Variants in RAPGEF6 observed in about 807,000 individuals in gnomAD.
The protein encoded by RAPGEF6 is PDZ domain containing guanine nucleotide exchange factor (GEF) 2.
RAPGEF6 carries 56 observed loss-of-function variants against 171.4 expected under a neutral mutation model. The ratio of observed to expected loss-of-function variants is 0.33; its 90% CI spans 0.26 to 0.41. The LOEUF is 0.41. RAPGEF6 is among the 10% of genes least tolerant of loss of function. The pLI, the probability that RAPGEF6 is intolerant of heterozygous loss-of-function variation, is 1.00. For missense variants in RAPGEF6, 1,674 were observed against 1,921.4 expected (o/e 0.87, Z 2.41); for synonymous variants, 692 against 650.1 (o/e 1.06, Z -0.98).
chr5:131,593,859 T>G (rs1763732287), intron 3 of RAPGEF6, among the ~76,000 whole-genome samples: 1 of 152,210 alleles, frequency 6.6e-6, no homozygotes, highest in South Asian at 2.1e-4. Context: ...ACAAAGAGAT[T>G]ATCTGAAACT....
At chr5:131,439,473 A>T in intron 24 of RAPGEF6, 108 bp downstream of exon 24, 1 of 1,443,918 alleles carries the variant, frequency 6.9e-7, no homozygotes. Flanking sequence ...ATTAGGAGTT[A>T]TGCTTTTCTT....
At chr5:131,433,031 A>T (rs926687819) in intron 25 of RAPGEF6, among the ~76,000 whole-genome samples, 9 of 152,074 alleles carry the variant, frequency 5.9e-5, no homozygotes, top group African/African-American at 2.2e-4. Context: ...CAGAGGACAG[A>T]GATCAAGGGC....
intron 1 of RAPGEF6, among the ~76,000 whole-genome samples, chr5:131,632,240 C>T (rs1201895916): frequency 6.6e-6 from 1 of 152,138 alleles, no homozygotes; most frequent in African/African-American, 2.4e-5. Context: ...CCTGTTCACC[C>T]TTCTCCAGTC....
At chr5:131,551,943 T>C (rs1445236834) in intron 5 of RAPGEF6, among the ~76,000 whole-genome samples, 1 of 151,762 alleles carries the variant, frequency 6.6e-6, no homozygotes, top group Non-Finnish European at 1.5e-5. Context: ...TTAAAAAAAA[T>C]AAAACCACAA....
intron 4 of RAPGEF6, among the ~76,000 whole-genome samples, chr5:131,576,324 C>G (rs554508424): frequency 7.1e-4 from 108 of 152,334 alleles, no homozygotes; most frequent in Middle Eastern, 3.4e-3. Flanking sequence ...CCCGCTTCCA[C>G]TACCTCTCAA....
chr5:131,435,078 T>C (rs1751933139), intron 24 of RAPGEF6, among the ~76,000 whole-genome samples: 1 of 152,212 alleles, frequency 6.6e-6, no homozygotes, highest in South Asian at 2.1e-4. Flanking sequence ...GTTCCAAGTC[T>C]TTCTCTGTTT....
At chr5:131,511,901 A>T (rs1184911637) in intron 7 of RAPGEF6, among the ~76,000 whole-genome samples, 3 of 152,190 alleles carry the variant, frequency 2.0e-5, no homozygotes, top group Non-Finnish European at 4.4e-5. Context: ...CTAAGTTAGA[A>T]AGAGCTTTTC....
chr5:131,524,377 G>A (rs1225957404), intron 6 of RAPGEF6, among the ~76,000 whole-genome samples: 3 of 152,196 alleles, frequency 2.0e-5, no homozygotes, highest in Non-Finnish European at 4.4e-5. Flanking sequence ...CCATGAAGCT[G>A]TAGTAGCAGA....
rs995174961 is a variant in RAPGEF6 at position 131,436,464 on chromosome 5, A to G, written c.3746-2806T>C. The G allele has an allele frequency of 1.2e-4, 149 of 1,238,324 alleles. 3 individuals carry two copies. In the South Asian group the frequency reaches 2.4e-3, roughly 20 times the overall value. 76.7% of individuals were successfully genotyped at this position (1,238,324 alleles called of 1,614,324 possible). A position where few individuals can be genotyped will look rare whatever the true frequency, so the allele number is the denominator to read the frequency against. ...TAATATTTCACTATTTAAAAATTCT[A>G]ACATCTTGATAATATCTGAAAAATT... On this transcript the variant is annotated intron_variant, in intron 24 of 27. Coordinates refer to ENST00000509018, the MANE Select transcript of RAPGEF6 (RefSeq NM_016340.6).
intron 16 of RAPGEF6, among the ~76,000 whole-genome samples, chr5:131,476,057 G>T (rs914003181): frequency 6.6e-6 from 1 of 152,104 alleles, no homozygotes; most frequent in Non-Finnish European, 1.5e-5. Flanking sequence ...AGAGAAGGAA[G>T]GGAAAAATTA....
chr5:131,509,263 G>C (rs562830406), intron 8 of RAPGEF6, among the ~76,000 whole-genome samples: 5 of 152,254 alleles, frequency 3.3e-5, no homozygotes, highest in African/African-American at 1.2e-4. Flanking sequence ...AGTACACATG[G>C]TCAGGCGTGG....
chr5:131,448,063 T>C (rs180985942), intron 21 of RAPGEF6, among the ~76,000 whole-genome samples: 1 of 152,302 alleles, frequency 6.6e-6, no homozygotes, highest in Admixed American at 6.5e-5. Context: ...AGAAAACTAA[T>C]TCTAATTATT....
chr5:131,454,712 A>G (rs1753356474), intron 20 of RAPGEF6, among the ~76,000 whole-genome samples: 1 of 152,238 alleles, frequency 6.6e-6, no homozygotes, highest in African/African-American at 2.4e-5. Context: ...TGAAAAGTAC[A>G]AAACCATAGG....
intron 24 of RAPGEF6, chr5:131,435,972 A>C: frequency 6.5e-7 from 1 of 1,533,634 alleles, no homozygotes; most frequent in Non-Finnish European, 8.7e-7. Context: ...TCCTCCTTTT[A>C]GACTTGAATC....
intron 6 of RAPGEF6, among the ~76,000 whole-genome samples, chr5:131,525,988 C>A (rs1299001136): frequency 6.6e-6 from 1 of 152,126 alleles, no homozygotes; most frequent in Admixed American, 6.5e-5. Flanking sequence ...CAACTTATCC[C>A]AGATCATACA....
chr5:131,510,242 T>C (rs1320347275), intron 8 of RAPGEF6, 72 bp downstream of exon 8: 1 of 1,390,186 alleles, frequency 7.2e-7, no homozygotes, highest in Non-Finnish European at 9.7e-7. Context: ...TTTAGAATAA[T>C]TTGTTATGCA....
chr5:131,528,313 T>TATTATG (rs1251388931), intron 6 of RAPGEF6, among the ~76,000 whole-genome samples: 1 of 48,846 alleles, frequency 2.0e-5, no homozygotes, highest in Non-Finnish European at 4.5e-5. Flanking sequence ...TATATTTATA[T>TATTATG]TATATATATA....
chr5:131,575,971 C>G (rs1241659980), intron 4 of RAPGEF6, among the ~76,000 whole-genome samples: 2 of 152,252 alleles, frequency 1.3e-5, no homozygotes, highest in East Asian at 3.9e-4. Flanking sequence ...TCATAACTTT[C>G]AAAATCTATT....
intron 4 of RAPGEF6, among the ~76,000 whole-genome samples, chr5:131,573,136 C>T (rs1256432653): frequency 6.6e-6 from 1 of 152,132 alleles, no homozygotes; most frequent in African/African-American, 2.4e-5. Context: ...CTCTCCTTCT[C>T]CCCTGGCCGC....
Sources: gnomAD v4.1 joint callset for allele counts (sites outside exome capture counted in the v4.1 genomes callset) on GRCh38, gnomAD v4.1.1 for gene constraint, MANE v1.5 for transcripts, NCBI Gene and HGNC (gene_info 2026-07-23, HGNC 2026-07-21) for gene names.